Variants in CDH6 observed in about 807,000 individuals in gnomAD.
The protein encoded by CDH6 is cadherin-6.
CDH6 carries 31 observed loss-of-function variants against 78.0 expected under a neutral mutation model. That is an observed-to-expected ratio of 0.40 (90% CI 0.30 to 0.54). The LOEUF (loss-of-function observed/expected upper bound fraction) is 0.54. Among genes scored for constraint, CDH6 ranks in the 20% least tolerant of loss-of-function variants. CDH6 has a pLI of 0.56. For missense variants in CDH6, 724 were observed against 975.9 expected, an observed-to-expected ratio of 0.74 and a Z score of 3.44; for synonymous variants, 376 against 368.8, an observed-to-expected ratio of 1.02 and a Z score of -0.23.
chr5:31,196,525 T>A (rs888566217), intron 1 of CDH6, among the ~76,000 whole-genome samples: 4 of 152,184 alleles, frequency 2.6e-5, no homozygotes, highest in African/African-American at 9.7e-5. Flanking sequence ...CTATTCAAAC[T>A]TTTTTTAGTT....
At chr5:31,199,677 G>GTATATA in intron 1 of CDH6, among the ~76,000 whole-genome samples, 4 of 72,394 alleles carry the variant, frequency 5.5e-5, no homozygotes, top group African/African-American at 2.0e-4. Context: ...GTATGTGTGT[G>GTATATA]TGTGTGTGTA....
chr5:31,316,121 A>G, intron 8 of CDH6, 87 bp from the exon 9 acceptor site: 2 of 1,393,562 alleles, frequency 1.4e-6, no homozygotes, highest in South Asian at 2.9e-5. Flanking sequence ...TGCATGAATG[A>G]GAATGAAGGA....
chr5:31,242,344 C>A (rs1320271264), intron 1 of CDH6, among the ~76,000 whole-genome samples: 2 of 152,162 alleles, frequency 1.3e-5, no homozygotes, highest in Non-Finnish European at 2.9e-5. Context: ...ATCAGAGCAT[C>A]CCATGGGATA....
chr5:31,302,912 AAAGAAAG>A (rs1491468972), intron 6 of CDH6, among the ~76,000 whole-genome samples: 25 of 106,786 alleles, frequency 2.3e-4, no homozygotes, highest in Non-Finnish European at 2.8e-4. Flanking sequence ...AAAAAGAAAG[AAAGAAAG>A]AAAGAAAGAA....
intron 10 of CDH6, 79 bp from the exon 11 acceptor site, chr5:31,317,594 T>C: frequency 6.4e-7 from 1 of 1,551,328 alleles, no homozygotes; most frequent in Non-Finnish European, 8.8e-7. Flanking sequence ...TGTATCTATA[T>C]CTATCTTTTC....
At chr5:31,311,608 G>T (rs777248512) in intron 7 of CDH6, among the ~76,000 whole-genome samples, 1 of 152,158 alleles carries the variant, frequency 6.6e-6, no homozygotes, top group African/African-American at 2.4e-5. Context: ...CTGAGACTGC[G>T]TAATTTGTGA....
chr5:31,194,591 A>G (rs983205351), intron 1 of CDH6, among the ~76,000 whole-genome samples: 1 of 152,156 alleles, frequency 6.6e-6, no homozygotes, highest in Non-Finnish European at 1.5e-5. Context: ...CTGGACTCCG[A>G]AAATGGAGCA....
chr5:31,207,251 C>A (rs1186346763), intron 1 of CDH6, among the ~76,000 whole-genome samples: 1 of 152,144 alleles, frequency 6.6e-6, no homozygotes, highest in African/African-American at 2.4e-5. Flanking sequence ...GAAAGTTATT[C>A]TTTCAGAATT....
At chr5:31,254,069 G>T (rs1013033650) in intron 1 of CDH6, among the ~76,000 whole-genome samples, 1 of 152,058 alleles carries the variant, frequency 6.6e-6, no homozygotes, top group African/African-American at 2.4e-5. Flanking sequence ...GTGAAATCTT[G>T]CCCCCTCCCA....
At chr5:31,272,211 C>T (rs900396482) in intron 2 of CDH6, among the ~76,000 whole-genome samples, 2 of 152,072 alleles carry the variant, frequency 1.3e-5, no homozygotes, top group Non-Finnish European at 1.5e-5. Flanking sequence ...GCCAAAGGTC[C>T]GAAAGCTGGA....
intron 11 of CDH6, among the ~76,000 whole-genome samples, chr5:31,322,393 C>A (rs769147516): frequency 1.3e-4 from 19 of 151,860 alleles, no homozygotes; most frequent in African/African-American, 2.4e-5. Flanking sequence ...TGTGCAAACC[C>A]TTCAACACAT....
intron 1 of CDH6, among the ~76,000 whole-genome samples, chr5:31,235,231 TTTTTC>T (rs1215761150): frequency 3.9e-5 from 2 of 51,268 alleles, no homozygotes; most frequent in East Asian, 9.2e-4. Flanking sequence ...TTTCTATTCC[TTTTTC>T]TTTTTTTTTT....
rs1006917372 is a variant in CDH6 at position 31,325,860 on chromosome 5, C to T, written c.*2552C>T. The stretch of plus-strand genomic sequence containing the variant: ...GAGACTGGGGCTAAATATTTAGTAC[C>T]AGGGTACTGTAAGTATCAAGTTGGA... On this transcript the variant is annotated 3_prime_UTR_variant, in exon 12 of 12. Coordinates refer to ENST00000265071, the MANE Select transcript of CDH6 (RefSeq NM_004932.4). 2 of 231,340 alleles carry T rather than the reference C, an allele frequency of 8.6e-6. No individual in the cohort carries two copies. Among genetic ancestry groups the T allele is most frequent in the Non-Finnish European group, 1.7e-5 (2 of 117,016 alleles). The allele number at this position is 231,340 out of a possible 1,614,324, so 14.3% of individuals were successfully genotyped here.
rs939012057 is a variant in CDH6, at chr5:31,324,662, G to A, written c.*1354G>A. 11 of 210,124 alleles carry A rather than the reference G, an allele frequency of 5.2e-5. No homozygotes were observed. The highest frequency in any genetic ancestry group is 7.7e-5 in the Non-Finnish European group (8 of 103,568). 13.0% of individuals were successfully genotyped at this position (210,124 alleles called of 1,614,324 possible). On this transcript the variant is annotated 3_prime_UTR_variant, in exon 12 of 12. Coordinates refer to ENST00000265071, the MANE Select transcript of CDH6 (RefSeq NM_004932.4). ...TCCTTGACTTTGAACTAATGATAAAGTAATGATCTCAAACTATGACAGAAA... is the reference window on the plus strand; with the variant it reads ...TCCTTGACTTTGAACTAATGATAAAATAATGATCTCAAACTATGACAGAAA...
chr5:31,205,684 T>A (rs188919435), intron 1 of CDH6, among the ~76,000 whole-genome samples: 3 of 152,350 alleles, frequency 2.0e-5, no homozygotes, highest in African/African-American at 7.2e-5. Flanking sequence ...TGTGTGACCA[T>A]GTATTTTCTA....
intron 2 of CDH6, among the ~76,000 whole-genome samples, chr5:31,287,890 TAAC>T (rs1743053307): frequency 1.3e-5 from 2 of 152,204 alleles, no homozygotes; most frequent in South Asian, 2.1e-4. Context: ...AGAACTACAA[TAAC>T]AACAACAAAA....
At chr5:31,320,380 T>C (rs983111057) in intron 11 of CDH6, among the ~76,000 whole-genome samples, 1 of 152,138 alleles carries the variant, frequency 6.6e-6, no homozygotes, top group Non-Finnish European at 1.5e-5. Context: ...AAGACTAAAA[T>C]AAAAGCTATA....
chr5:31,204,902 A>G (rs1018873992), intron 1 of CDH6, among the ~76,000 whole-genome samples: 2 of 152,206 alleles, frequency 1.3e-5, no homozygotes, highest in Non-Finnish European at 2.9e-5. Flanking sequence ...GTACTTTCCA[A>G]TTTAGGTTTT....
chr5:31,303,860 T>C (rs1239790694), intron 6 of CDH6, among the ~76,000 whole-genome samples: 1 of 152,210 alleles, frequency 6.6e-6, no homozygotes, highest in African/African-American at 2.4e-5. Context: ...ATAATATAAT[T>C]AGGAAGCCCA....
Sources: gnomAD v4.1 joint callset for allele counts (sites outside exome capture counted in the v4.1 genomes callset) on GRCh38, gnomAD v4.1.1 for gene constraint, MANE v1.5 for transcripts, NCBI Gene and HGNC (gene_info 2026-07-23, HGNC 2026-07-21) for gene names.